Variants in IQCB1 observed in about 807,000 individuals in gnomAD.
IQCB1 encodes IQ calmodulin-binding motif-containing protein 1.
IQCB1 carries 56 observed loss-of-function variants against 84.4 expected under a neutral mutation model. The observed-to-expected ratio is 0.66, with a 90% CI of 0.54 to 0.83. IQCB1 has a LOEUF of 0.83. Among genes scored for constraint, IQCB1 ranks in the 40% least tolerant of loss-of-function variants. The probability of loss-of-function intolerance (pLI) is 0.00; values close to 1 mark genes in which losing one functional copy is unlikely to be tolerated. For synonymous variants in IQCB1, 210 were observed against 234.8 expected, an observed-to-expected ratio of 0.89 and a Z score of 0.96; for missense variants, 629 against 682.1, an observed-to-expected ratio of 0.92 and a Z score of 0.87.
rs1708202534 is a variant in IQCB1, at chr3:121,835,004, G to A, written c.-140C>T. On this transcript the variant is annotated 5_prime_UTR_variant, in exon 1 of 15. Transcript: ENST00000310864. The stretch of plus-strand genomic sequence containing the variant: ...CGCGTTCTTCCACTAAAGAACCTGG[G>A]GCTCCCACGCCGCACTACAGCGCCG... The A allele has an allele frequency of 4.1e-5, 15 of 362,582 alleles. 1 individual carries two copies. The South Asian group carries it at 5.3e-4, about 13-fold the overall frequency. The allele number at this position is 362,582 out of a possible 1,614,324, so 22.5% of individuals were successfully genotyped here.
intron 13 of IQCB1, among the ~76,000 whole-genome samples, chr3:121,773,698 A>C (rs968038813): frequency 1.3e-5 from 2 of 152,210 alleles, no homozygotes; most frequent in African/African-American, 4.8e-5. Context: ...TGGCTAAAGA[A>C]GCACTTTAAA....
At chr3:121,796,660 A>AC (rs1553713724) in intron 9 of IQCB1, among the ~76,000 whole-genome samples, 2 of 151,954 alleles carry the variant, frequency 1.3e-5, no homozygotes, top group East Asian at 3.9e-4. Flanking sequence ...ACAATTAGAG[A>AC]TTTTTTTTGG....
At chr3:121,797,709 T>A (rs1466187872) in intron 8 of IQCB1, among the ~76,000 whole-genome samples, 1 of 152,068 alleles carries the variant, frequency 6.6e-6, no homozygotes, top group Non-Finnish European at 1.5e-5. Context: ...TATGGTAACA[T>A]ATATAATTTG....
At chr3:121,790,436 T>C (rs1010795907) in intron 10 of IQCB1, among the ~76,000 whole-genome samples, 1 of 152,212 alleles carries the variant, frequency 6.6e-6, no homozygotes, top group Admixed American at 6.5e-5. Context: ...ATTTGAAATA[T>C]ATAAATAAAA....
intron 12 of IQCB1, among the ~76,000 whole-genome samples, chr3:121,784,388 C>T (rs1948627320): frequency 6.6e-6 from 1 of 151,972 alleles, no homozygotes; most frequent in South Asian, 2.1e-4. Context: ...TTTTCCCCCA[C>T]AGTCCTTTTA....
Position 121,770,098 on chromosome 3 carries a change from T to C in IQCB1, c.*247A>G, listed in dbSNP as rs1222642114. The C allele has an allele frequency of 4.5e-6, 2 of 443,670 alleles. No individual in the cohort carries two copies. The highest frequency in any genetic ancestry group is 3.5e-5 in the Admixed American group (1 of 28,312). The allele number at this position is 443,670 out of a possible 1,614,324, so 27.5% of individuals were successfully genotyped here. On this transcript the variant is annotated 3_prime_UTR_variant, in exon 15 of 15. Coordinates refer to ENST00000310864, the MANE Select transcript of IQCB1 (RefSeq NM_001023570.4). Reference sequence around the variant, plus strand: ...ACTTCATGTAAACAACAGAACACTATGCTAAGTTTAGTTCTACAATAAAAG... The same window carrying C: ...ACTTCATGTAAACAACAGAACACTACGCTAAGTTTAGTTCTACAATAAAAG...
rs73181806 is a variant in IQCB1, at chr3:121,797,277, G to C, written c.767-50C>G. On this transcript the variant is annotated intron_variant, in intron 8 of 14. Coordinates refer to ENST00000310864, the MANE Select transcript of IQCB1 (RefSeq NM_001023570.4). ...AACTATTATTATAATAATAAAATAT[G>C]ATTTTGTTATCTAATCAGTATTAAT... The C allele has an allele frequency of 2.1e-3, 1,763 of 840,072 alleles. 4 individuals carry two copies. Among genetic ancestry groups the C allele is most frequent in the Middle Eastern group, 5.4e-3 (15 of 2,782 alleles). 52.0% of individuals were successfully genotyped at this position (840,072 alleles called of 1,614,324 possible).
Position 121,807,388 on chromosome 3 carries a change from T to C in IQCB1, c.543A>G (p.Gly181=), listed in dbSNP as rs372658786. Residue 181 remains glycine (G), a synonymous_variant, in exon 7 of 15, where the codon GGA becomes GGG. Transcript: ENST00000310864. ...TCTGTAGCATCATCATGACTGCAGA[T>C]CCTATTTGGACATTGTCAGCTTGCA... The part of the protein sequence containing the change: ...HLLQADNVQI[G]SAVMMMLQNI... 1.5e-4 allele frequency: 239 copies of C among 1,585,692 alleles called. No homozygotes were observed. The highest frequency in any genetic ancestry group is 2.0e-4 in the Non-Finnish European group (228 of 1,154,926).
rs1950458389 is a variant in IQCB1 at position 121,826,128 on chromosome 3, C to T, written c.316G>A (p.Glu106Lys). The T allele has an allele frequency of 6.2e-7, 1 of 1,612,936 alleles. No individual in the cohort carries two copies. The highest frequency in any genetic ancestry group is 1.3e-5 in the African/African-American group (1 of 74,906). ...PGEDAEEFYN[E>K]LLPSAAENFL... ...TTTTCTGCAGCTGATGGAAGTAATT[C>T]ATTGTAAAATTCCTCTGCATCTTCT... Residue 106 changes from glutamate (E) to lysine (K), a missense_variant, in exon 5 of 15, where the codon GAA becomes AAA. By Grantham distance (56) the Glu-to-Lys change is moderately conservative. Transcript: ENST00000310864.
intron 5 of IQCB1, among the ~76,000 whole-genome samples, chr3:121,821,448 C>A (rs1304714463): frequency 6.6e-6 from 1 of 152,208 alleles, no homozygotes; most frequent in African/African-American, 2.4e-5. Flanking sequence ...ATTGGCTCCA[C>A]AAAGCTTTTT....
chr3:121,772,415 TG>T, intron 14 of IQCB1, 141 bp downstream of exon 14: 1 of 777,138 alleles, frequency 1.3e-6, no homozygotes, highest in Non-Finnish European at 2.3e-6. Flanking sequence ...CATTGTGTGC[TG>T]GTCTGATCTA....
intron 13 of IQCB1, among the ~76,000 whole-genome samples, chr3:121,780,321 C>T (rs1948419502): frequency 6.6e-6 from 1 of 152,144 alleles, no homozygotes; most frequent in African/African-American, 2.4e-5. Flanking sequence ...GTCTGATGTC[C>T]AGGGTCTTGA....
At chr3:121,830,558 C>T (rs146210056) in intron 2 of IQCB1, among the ~76,000 whole-genome samples, 72 of 152,300 alleles carry the variant, frequency 4.7e-4, no homozygotes, top group Non-Finnish European at 9.3e-4. Context: ...ATCCTCACAA[C>T]AGGGCTATGA....
chr3:121,807,396 G>C lies in IQCB1; in HGVS notation c.535C>G (p.Gln179Glu), dbSNP rs79483163. ...ATCATCATGACTGCAGATCCTATTT[G>C]GACATTGTCAGCTTGCAGTAAATGT... The part of the protein sequence containing the change: ...FLHLLQADNV[Q>E]IGSAVMMMLQ... Residue 179 changes from glutamine to glutamate, a missense_variant, in exon 7 of 15, where the codon CAA becomes GAA. Transcript: ENST00000310864. 1 of 1,582,342 alleles carries C rather than the reference G, an allele frequency of 6.3e-7. No individual in the cohort carries two copies. Among genetic ancestry groups the C allele is most frequent in the Non-Finnish European group, 8.7e-7 (1 of 1,151,912 alleles).
At chr3:121,829,028 C>T (rs1388440334) in intron 2 of IQCB1, 56 bp from the exon 3 acceptor site, 2 of 897,892 alleles carry the variant, frequency 2.2e-6, no homozygotes, top group East Asian at 2.4e-5. Flanking sequence ...ATGTTCACTA[C>T]CTAAATAATG....
intron 14 of IQCB1, 78 bp downstream of exon 14, chr3:121,772,479 T>G: frequency 6.9e-7 from 1 of 1,447,290 alleles, no homozygotes; most frequent in Non-Finnish European, 9.7e-7. Flanking sequence ...AGTAATGGTT[T>G]CCTTCTAAAG....
chr3:121,799,243 G>T lies in IQCB1; in HGVS notation c.719C>A (p.Ser240Tyr). 2 of 1,610,172 alleles carry T rather than the reference G, an allele frequency of 1.2e-6. No individual in the cohort carries two copies. The highest frequency in any genetic ancestry group is 2.2e-5 in the East Asian group (1 of 44,750). ...CAGTAAAATCAAAATTTCCTGATGG[G>T]ATTCAGCCATCAACAGTAGGAGTTT... ...ATKLLLLMAE[S>Y]HQEILILLRQ... Residue 240 changes from serine (S) to tyrosine (Y), a missense_variant, in exon 8 of 15, where the codon TCC becomes TAC. By Grantham distance (144) the Ser-to-Tyr change is moderately radical. Coordinates refer to ENST00000310864, the MANE Select transcript of IQCB1 (RefSeq NM_001023570.4).
At chr3:121,818,919 AGCAAC>A (rs1950172777) in intron 5 of IQCB1, among the ~76,000 whole-genome samples, 1 of 141,912 alleles carries the variant, frequency 7.0e-6, no homozygotes, top group Non-Finnish European at 1.6e-5. Context: ...GGAAGCAAAC[AGCAAC>A]TTTTAAAAGC....
chr3:121,792,989 AATTCCATG>A (rs1440281230), intron 10 of IQCB1, among the ~76,000 whole-genome samples: 2 of 152,230 alleles, frequency 1.3e-5, no homozygotes, highest in African/African-American at 4.8e-5. Context: ...GAAATAAGTA[AATTCCATG>A]ATTTACATTT....
Sources: gnomAD v4.1 joint callset for allele counts (sites outside exome capture counted in the v4.1 genomes callset) on GRCh38, gnomAD v4.1.1 for gene constraint, MANE v1.5 for transcripts, NCBI Gene and HGNC (gene_info 2026-07-23, HGNC 2026-07-21) for gene names.